RAG1: variants seen among roughly 807,000 people sequenced by gnomAD.
RAG1 encodes the protein V(D)J recombination-activating protein 1.
Under a neutral mutation model 62.7 loss-of-function variants are expected in RAG1, and 35 were observed. The observed-to-expected ratio is 0.56, with a 90% CI of 0.43 to 0.74. The LOEUF (loss-of-function observed/expected upper bound fraction) is 0.74, where lower values mean the gene tolerates loss of function less well. Ranked by LOEUF, RAG1 falls within the 30% of genes least tolerant of loss-of-function variation. The pLI is 0.00. For missense variants in RAG1, 1,169 were observed against 1,278.6 expected, an observed-to-expected ratio of 0.91 and a Z score of 1.31; for synonymous variants, 461 against 470.3, an observed-to-expected ratio of 0.98 and a Z score of 0.26.
At chr11:36,520,960 CTT>C (rs36066366) in intron 2 of RAG1, among the ~76,000 whole-genome samples, 17 of 133,646 alleles carry the variant, frequency 1.3e-4, no homozygotes, top group African/African-American at 1.7e-4. Flanking sequence ...CAAATCTCAT[CTT>C]TTTTTTTTTT....
At position 36,519,925 on chromosome 11, in the gene RAG1, T is replaced by G. The variant is rs369970273; in HGVS notation, n.331-207T>G. On this transcript the variant is annotated intron_variant and non_coding_transcript_variant, in intron 1 of 2. Coordinates refer to the RAG1 transcript ENST00000529126. ...AAAGTAAAAATGTCCTCCTTAACAT[T>G]TTGAAACTCAGCTCTACTTTCTGAA... Among the ~76,000 whole-genome samples, 125 of 152,338 alleles carry G rather than the reference T, an allele frequency of 8.2e-4. 2 individuals are homozygous for G. The South Asian group carries it at 0.023, about 27-fold the overall frequency.
chr11:36,521,958 A>G (rs1860086622), intron 2 of RAG1, among the ~76,000 whole-genome samples: 1 of 152,158 alleles, frequency 6.6e-6, no homozygotes, highest in African/African-American at 2.4e-5. Flanking sequence ...AGAAATTTCT[A>G]AGCAGGAAAG....
At chr11:36,529,730 T>C (rs972621693) in intron 2 of RAG1, among the ~76,000 whole-genome samples, 1 of 152,164 alleles carries the variant, frequency 6.6e-6, no homozygotes, top group East Asian at 1.9e-4. Context: ...GACATGATTG[T>C]ATATTTAAGA....
intron 2 of RAG1, among the ~76,000 whole-genome samples, chr11:36,530,873 C>G (rs572912566): frequency 6.6e-6 from 1 of 152,058 alleles, no homozygotes; most frequent in African/African-American, 2.4e-5. Context: ...AATTTTCTGT[C>G]TAGGTATTAC....
At chr11:36,561,355 G>A (rs141932076) in intron 3 of RAG1, among the ~76,000 whole-genome samples, 1 of 152,290 alleles carries the variant, frequency 6.6e-6, no homozygotes, top group East Asian at 1.9e-4. Flanking sequence ...GAGGTCTTTG[G>A]ATGACCTACT....
At chr11:36,542,132 T>A (rs1850313938) in intron 3 of RAG1, among the ~76,000 whole-genome samples, 1 of 152,192 alleles carries the variant, frequency 6.6e-6, no homozygotes, top group Non-Finnish European at 1.5e-5. Context: ...ACGGATGAGT[T>A]TGTTTCTCAC....
rs777674644 is a variant in RAG1, at chr11:36,574,841, C to T, written c.1537C>T (p.Leu513Phe). ...TGCCCTTCGGAATGCTGAGAAGGTA[C>T]TTCTGCCAGGCTACCACCACTTTGA... ...LHALRNAEKV[L>F]LPGYHHFEWQ... Residue 513 changes from leucine to phenylalanine, a missense_variant, in exon 2 of 2, where the codon CTT becomes TTT. This residue lies in a region of RAG1 where 800 missense variants were observed against 943.3 expected (regional missense o/e 0.85). Transcript: ENST00000299440. The T allele has an allele frequency of 1.2e-6, 2 of 1,614,252 alleles. No homozygotes were observed. The highest frequency in any genetic ancestry group is 1.1e-5 in the South Asian group (1 of 91,086).
chr11:36,511,418 C>T (rs1350344144), intron 1 of RAG1, among the ~76,000 whole-genome samples: 2 of 152,214 alleles, frequency 1.3e-5, no homozygotes, highest in Admixed American at 6.5e-5. Context: ...TGCACCACTG[C>T]ATTCCAGCCT....
At chr11:36,571,166 G>A (rs1379104593) in intron 1 of RAG1, among the ~76,000 whole-genome samples, 1 of 152,146 alleles carries the variant, frequency 6.6e-6, no homozygotes, top group Non-Finnish European at 1.5e-5. Flanking sequence ...ATAGTTCTAA[G>A]GATCCTACAA....
chr11:36,566,222 A>G (rs1365082007), upstream of RAG1, among the ~76,000 whole-genome samples: 1 of 152,146 alleles, frequency 6.6e-6, no homozygotes, highest in Non-Finnish European at 1.5e-5. Flanking sequence ...TATTGACCTC[A>G]GAGAAATTTT....
At chr11:36,529,758 A>G (rs1860223013) in intron 2 of RAG1, among the ~76,000 whole-genome samples, 1 of 152,032 alleles carries the variant, frequency 6.6e-6, no homozygotes, top group Non-Finnish European at 1.5e-5. Context: ...ATCTGTATTC[A>G]GGAAGGATAT....
At chr11:36,565,985 C>T (rs926738333), upstream of RAG1, 1 of 152,038 alleles carries the variant, frequency 6.6e-6, no homozygotes, top group African/African-American at 2.4e-5. Context: ...TCATTAAGTA[C>T]TTTATTTGTA....
chr11:36,545,572 G>T (rs1850380207), intron 3 of RAG1, among the ~76,000 whole-genome samples: 1 of 152,082 alleles, frequency 6.6e-6, no homozygotes, highest in Middle Eastern at 3.2e-3. Flanking sequence ...GTGATATTTT[G>T]TCACAAAAGC....
chr11:36,522,111 A>G (rs1860089345), intron 2 of RAG1, among the ~76,000 whole-genome samples: 1 of 152,162 alleles, frequency 6.6e-6, no homozygotes, highest in East Asian at 1.9e-4. Flanking sequence ...AGCCAGCTGC[A>G]GAAATTTGCA....
At chr11:36,550,850 T>C (rs1850471024) in intron 3 of RAG1, among the ~76,000 whole-genome samples, 1 of 152,120 alleles carries the variant, frequency 6.6e-6, no homozygotes, top group South Asian at 2.1e-4. Flanking sequence ...ATTGTTCATA[T>C]CAATCCCACA....
intron 3 of RAG1, among the ~76,000 whole-genome samples, chr11:36,549,382 A>C (rs1266167093): frequency 6.6e-6 from 1 of 152,246 alleles, no homozygotes; most frequent in African/African-American, 2.4e-5. Context: ...TATCTGACAA[A>C]GGGCAAATAT....
chr11:36,544,397 G>A (rs1003178697), intron 3 of RAG1, among the ~76,000 whole-genome samples: 3 of 152,264 alleles, frequency 2.0e-5, no homozygotes, highest in East Asian at 3.9e-4. Context: ...GATAAGGAAC[G>A]AATTCCACCC....
chr11:36,542,687 G>T lies in RAG1; in HGVS notation c.-412+6653G>T, dbSNP rs1379517484. ...GAGTGTGGCCTCCGAGGCATTGAAT[G>T]GTACAGAAAACAGGGGACTTTCAGT... On this transcript the variant is annotated intron_variant and NMD_transcript_variant, in intron 3 of 9. Transcript: ENST00000534663. 3.9e-5 allele frequency among the ~76,000 whole-genome samples: 6 copies of T among 152,294 alleles called. No homozygotes were observed. In the East Asian group the frequency reaches 1.2e-3, roughly 29 times the overall value.
upstream of RAG1, among the ~76,000 whole-genome samples, chr11:36,564,880 A>T (rs1046887372): frequency 2.0e-5 from 3 of 152,132 alleles, no homozygotes; most frequent in Non-Finnish European, 2.9e-5. Flanking sequence ...ACCGTCTAAG[A>T]TGCATCTTGG....
Sources: gnomAD v4.1 joint callset for allele counts (sites outside exome capture counted in the v4.1 genomes callset) on GRCh38, gnomAD v4.1.1 for gene constraint, gnomAD v4.1.1 regional missense constraint, MANE v1.5 for transcripts, NCBI Gene and HGNC (gene_info 2026-07-23, HGNC 2026-07-21) for gene names.